The following CREB3L2 variants were observed in gnomAD, a reference collection of about 807,000 sequenced individuals.
CREB3L2 encodes the protein cAMP responsive element binding protein 3 like 2.
A neutral mutation model predicts 57.2 loss-of-function variants in CREB3L2; 23 were observed. The ratio of observed to expected loss-of-function variants is 0.40; its 90% confidence interval spans 0.29 to 0.57. The LOEUF (loss-of-function observed/expected upper bound fraction) is 0.57, where lower values mean the gene tolerates loss of function less well. Among genes scored for constraint, CREB3L2 ranks in the 20% least tolerant of loss-of-function variants. The probability of loss-of-function intolerance (pLI) is 0.42; values close to 1 mark genes in which losing one functional copy is unlikely to be tolerated. For synonymous variants in CREB3L2, 268 were observed against 265.1 expected (o/e 1.01, Z -0.11); for missense variants, 628 against 634.7 (o/e 0.99, Z 0.11).
At position 137,974,054 on chromosome 7, in the gene CREB3L2, TAA is replaced by T. The variant is rs11305737; in HGVS notation, c.102+27548_102+27549del. Among the ~76,000 whole-genome samples, 131 of 149,424 alleles carry T rather than the reference TAA, an allele frequency of 8.8e-4. 1 individual carries two copies. Among genetic ancestry groups the T allele is most frequent in the Non-Finnish European group, 3.0e-4 (20 of 67,098 alleles). ...AAAATAATGCCAAGCATCTGCTCTT[TAA>T]AAAAAAAAAATCAACCTCCTTGTGT... On this transcript the variant is annotated intron_variant, in intron 1 of 11. Coordinates refer to ENST00000330387, the MANE Select transcript of CREB3L2 (RefSeq NM_194071.4).
chr7:137,897,529 C>A (rs930918705), intron 8 of CREB3L2, among the ~76,000 whole-genome samples: 2 of 152,122 alleles, frequency 1.3e-5, no homozygotes, highest in African/African-American at 4.8e-5. Flanking sequence ...GCCACTACGC[C>A]CAGATAATTT....
chr7:137,922,577 T>C (rs1800357407), intron 2 of CREB3L2: 2 of 433,622 alleles, frequency 4.6e-6, no homozygotes, highest in Non-Finnish European at 4.7e-6. Context: ...TCAGATGACG[T>C]ACTACCACTT....
chr7:137,905,564 GC>G, intron 6 of CREB3L2, 137 bp downstream of exon 6: 1 of 921,158 alleles, frequency 1.1e-6, no homozygotes, highest in African/African-American at 1.6e-5. Context: ...TCCTCCCAGG[GC>G]TTAGGGAAGG....
In CREB3L2 at chr7:137,876,039, C is replaced by A. The variant is rs1799142185; in HGVS notation, c.*4437G>T. ...TGTTCCGCTATGAGGATTTATAATA[C>A]CTTTAATCCTGGCTGGTTGTTTTTT... On this transcript the variant is annotated 3_prime_UTR_variant, in exon 12 of 12. Transcript: ENST00000330387. The A allele has an allele frequency of 4.3e-6, 1 of 230,224 alleles. No individual in the cohort carries two copies. Among genetic ancestry groups the A allele is most frequent in the African/African-American group, 2.2e-5 (1 of 45,140 alleles). The allele number at this position is 230,224 out of a possible 1,614,324, so 14.3% of individuals were successfully genotyped here. A position where few individuals can be genotyped will look rare whatever the true frequency, so the allele number is the denominator to read the frequency against.
chr7:137,887,617 G>C (rs1799447784), intron 8 of CREB3L2, among the ~76,000 whole-genome samples: 3 of 152,106 alleles, frequency 2.0e-5, no homozygotes, highest in African/African-American at 2.4e-5. Flanking sequence ...GCTGAGGCAG[G>C]AGAATCGCTT....
chr7:137,902,983 A>ATT (rs201154600), intron 7 of CREB3L2, among the ~76,000 whole-genome samples: 3 of 151,184 alleles, frequency 2.0e-5, no homozygotes, highest in African/African-American at 7.3e-5. Context: ...TGCCTGGCTA[A>ATT]TTTTTTTTTA....
chr7:137,903,913 C>G (rs1274767107), intron 7 of CREB3L2, 46 bp downstream of exon 7: 1 of 1,493,504 alleles, frequency 6.7e-7, no homozygotes, highest in Admixed American at 1.7e-5. Context: ...CCATATTTCC[C>G]TGTGCATACT....
chr7:137,903,690 T>G (rs186885196), intron 7 of CREB3L2, among the ~76,000 whole-genome samples: 1 of 152,216 alleles, frequency 6.6e-6, no homozygotes, highest in Non-Finnish European at 1.5e-5. Context: ...TTGTATGTGT[T>G]TGAAAAGAAG....
intron 8 of CREB3L2, among the ~76,000 whole-genome samples, chr7:137,897,196 A>G (rs1050603006): frequency 4.6e-5 from 7 of 152,238 alleles, no homozygotes; most frequent in Admixed American, 3.3e-4. Flanking sequence ...TCAAATCGTT[A>G]CATTGTATAC....
chr7:137,961,715 C>A (rs1033326777), intron 1 of CREB3L2, among the ~76,000 whole-genome samples: 2 of 152,178 alleles, frequency 1.3e-5, no homozygotes, highest in African/African-American at 4.8e-5. Context: ...CCTTTTCCCA[C>A]CCGGGGGGCA....
chr7:137,941,533 C>A lies in CREB3L2; in HGVS notation c.103-13167G>T, dbSNP rs114846378. On this transcript the variant is annotated intron_variant, in intron 1 of 11. Transcript: ENST00000330387. ...TTCTATCTCTAAGTGCTACCAGAAT[C>A]CAAGAGCTTTGAGGCCTGCTCAGGA... Among the ~76,000 whole-genome samples, 590 of 152,316 alleles carry A rather than the reference C, an allele frequency of 3.9e-3. 5 individuals carry two copies. The highest frequency in any genetic ancestry group is 0.013 in the African/African-American group (545 of 41,560).
At position 137,989,432 on chromosome 7, in the gene CREB3L2, G is replaced by GTTT. The variant is rs33944427; in HGVS notation, c.102+12169_102+12171dup. ...ATGGAATTTTCCTGGCTTTTCTCCA[G>GTTT]TTTTTTTTTTTTTTTTTTTGATGAT... On this transcript the variant is annotated intron_variant, in intron 1 of 11. Coordinates refer to ENST00000330387, the MANE Select transcript of CREB3L2 (RefSeq NM_194071.4). 6.6e-3 allele frequency among the ~76,000 whole-genome samples: 696 copies of GTTT among 105,998 alleles called. 36 individuals are homozygous for GTTT. Among genetic ancestry groups the GTTT allele is most frequent in the African/African-American group, 0.019 (506 of 26,794 alleles). The allele number at this position is 105,998 out of a possible 152,430, so 69.5% of individuals were successfully genotyped here.
chr7:137,881,237 T>C (rs1371119452), intron 11 of CREB3L2, among the ~76,000 whole-genome samples: 1 of 152,170 alleles, frequency 6.6e-6, no homozygotes, highest in Non-Finnish European at 1.5e-5. Flanking sequence ...TAATGATGCC[T>C]TACCACATGG....
At chr7:137,910,886 G>A (rs1247193189) in intron 4 of CREB3L2, among the ~76,000 whole-genome samples, 1 of 152,170 alleles carries the variant, frequency 6.6e-6, no homozygotes, top group African/African-American at 2.4e-5. Context: ...AAGGTCTGGG[G>A]ACAACAAGCT....
intron 4 of CREB3L2, among the ~76,000 whole-genome samples, chr7:137,912,110 C>CT (rs1800020669): frequency 6.6e-6 from 1 of 152,092 alleles, no homozygotes; most frequent in Non-Finnish European, 1.5e-5. Flanking sequence ...GGCGTGGTGG[C>CT]TTATGCCTGT....
At chr7:137,935,684 T>G (rs951430588) in intron 1 of CREB3L2, among the ~76,000 whole-genome samples, 1 of 152,166 alleles carries the variant, frequency 6.6e-6, no homozygotes, top group Admixed American at 6.5e-5. Context: ...AACTATCTCA[T>G]TTGCATCTAT....
chr7:137,940,665 T>C (rs952406994), intron 1 of CREB3L2, among the ~76,000 whole-genome samples: 2 of 152,208 alleles, frequency 1.3e-5, no homozygotes, highest in Non-Finnish European at 2.9e-5. Context: ...CATGTTGCAA[T>C]GGAACAATTC....
In CREB3L2 at chr7:137,877,749, T is replaced by C. The variant is rs1220082805; in HGVS notation, c.*2727A>G. 4.4e-6 allele frequency: 1 copy of C among 228,198 alleles called. No individual in the cohort carries two copies. Among genetic ancestry groups the C allele is most frequent in the African/African-American group, 2.2e-5 (1 of 45,068 alleles). 14.1% of individuals were successfully genotyped at this position (228,198 alleles called of 1,614,324 possible). ...ACTGTCTGCCACTATTTGAAATCTT[T>C]AGAGCTAATCATAAGTTAATGACTA... On this transcript the variant is annotated 3_prime_UTR_variant, in exon 12 of 12. Transcript: ENST00000330387.
At chr7:137,910,846 T>C (rs1393332195) in intron 4 of CREB3L2, among the ~76,000 whole-genome samples, 2 of 152,192 alleles carry the variant, frequency 1.3e-5, no homozygotes, top group Admixed American at 1.3e-4. Context: ...TTTCTAAATA[T>C]CATTTGAAAT....
Sources: allele counts gnomAD v4.1 joint callset (sites outside exome capture counted in the v4.1 genomes callset), GRCh38; gene constraint gnomAD v4.1.1; transcripts MANE v1.5; gene names NCBI Gene and HGNC (gene_info 2026-07-23, HGNC 2026-07-21).